The following LINGO1 variants were observed in gnomAD, a reference collection of about 807,000 sequenced individuals.
LINGO1 encodes the protein leucine rich repeat and Ig domain containing 1, also known as leucine-rich repeat and immunoglobulin-like domain-containing nogo receptor-interacting protein 1.
A neutral mutation model predicts 37.3 loss-of-function variants in LINGO1; 11 were observed. That is an observed-to-expected ratio of 0.29 (90% CI 0.19 to 0.49). The LOEUF is 0.49. LINGO1 is among the 20% of genes least tolerant of loss of function. The pLI is 0.99. For missense variants in LINGO1, 585 were observed against 878.2 expected, an observed-to-expected ratio of 0.67 and a Z score of 4.22; for synonymous variants, 387 against 403.0, an observed-to-expected ratio of 0.96 and a Z score of 0.48.
chr15:77,757,928 G>A (rs542454896), intron 1 of LINGO1, among the ~76,000 whole-genome samples: 1 of 152,342 alleles, frequency 6.6e-6, no homozygotes, highest in Non-Finnish European at 1.5e-5. Flanking sequence ...CCCTGCCTCG[G>A]CTGTGTCAGG....
chr15:77,782,378 G>A (rs1261384102), intron 1 of LINGO1, among the ~76,000 whole-genome samples: 4 of 152,174 alleles, frequency 2.6e-5, no homozygotes, highest in Admixed American at 1.3e-4. Flanking sequence ...CTGAAAGAAG[G>A]CCACGTGCAG....
At chr15:77,691,357 G>A (rs1393362263) in intron 1 of LINGO1, among the ~76,000 whole-genome samples, 1 of 152,234 alleles carries the variant, frequency 6.6e-6, no homozygotes, top group Admixed American at 6.5e-5. Context: ...GGCAAACACA[G>A]TTCCTCCAAC....
At chr15:77,617,547 C>T (rs543379389) in intron 1 of LINGO1, among the ~76,000 whole-genome samples, 16 of 152,300 alleles carry the variant, frequency 1.1e-4, no homozygotes, top group Admixed American at 8.5e-4. Flanking sequence ...AAGCCCAGAC[C>T]GGATGTCCCA....
Position 77,614,108 on chromosome 15 carries a change from C to T in LINGO1, c.1799G>A (p.Arg600Gln), listed in dbSNP as rs1239020526. ...KHNIEIEYVPRKSDAGISSAD... is the reference protein window; with the variant it reads ...KHNIEIEYVPQKSDAGISSAD... ...GGAGCTGATGCCTGCGTCCGACTTT[C>T]GGGGCACATACTCGATCTCGATGTT... is the stretch of plus-strand genomic sequence containing the variant. Residue 600 changes from arginine (R) to glutamine (Q), a missense_variant, in exon 2 of 2, where the codon CGA becomes CAA. Physicochemically the swap from Arg to Gln is conservative, Grantham distance 43. This residue lies in a region of LINGO1 where 34 missense variants were observed against 62.0 expected (regional missense o/e 0.55). Coordinates refer to ENST00000355300, the MANE Select transcript of LINGO1 (RefSeq NM_032808.7). The T allele has an allele frequency of 6.8e-6, 11 of 1,613,864 alleles. No homozygotes were observed. The highest frequency in any genetic ancestry group is 1.1e-5 in the South Asian group (1 of 91,072).
rs145211495 is a variant in LINGO1 at position 77,641,253 on chromosome 15, C to T, written c.-12-25353G>A. 7.0e-4 allele frequency among the ~76,000 whole-genome samples: 106 copies of T among 152,342 alleles called. 1 individual carries two copies. The highest frequency in any genetic ancestry group is 1.6e-3 in the Admixed American group (24 of 15,302). On this transcript the variant is annotated intron_variant, in intron 3 of 3. Transcript: ENST00000559893. The stretch of plus-strand genomic sequence containing the variant: ...AGGTAGGGTGGCTGCCTGCCTTCTT[C>T]TCCAGCTGATGGGTCCCCATGCCAT...
intron 1 of LINGO1, among the ~76,000 whole-genome samples, chr15:77,750,625 G>T (rs2076361779): frequency 6.6e-6 from 1 of 152,198 alleles, no homozygotes; most frequent in Admixed American, 6.5e-5. Context: ...CAGAAGAATG[G>T]ATGCCAACAA....
At chr15:77,681,937 C>T (rs768157732) in intron 2 of LINGO1, among the ~76,000 whole-genome samples, 1 of 152,088 alleles carries the variant, frequency 6.6e-6, no homozygotes, top group Non-Finnish European at 1.5e-5. Flanking sequence ...CACACGCCCT[C>T]GAGGAGGGTA....
At chr15:77,808,549 G>C (rs1211219312) in intron 1 of LINGO1, among the ~76,000 whole-genome samples, 1 of 152,094 alleles carries the variant, frequency 6.6e-6, no homozygotes, top group African/African-American at 2.4e-5. Flanking sequence ...TCCAAATACA[G>C]AGCAGACACC....
upstream of LINGO1, among the ~76,000 whole-genome samples, chr15:77,790,032 A>G (rs563244503): frequency 6.6e-6 from 1 of 152,122 alleles, no homozygotes; most frequent in East Asian, 1.9e-4. Context: ...TCAACCTCCT[A>G]AAGTGCTAGG....
intron 1 of LINGO1, among the ~76,000 whole-genome samples, chr15:77,627,792 C>T (rs1206233960): frequency 6.6e-6 from 1 of 152,162 alleles, no homozygotes; most frequent in Non-Finnish European, 1.5e-5. Context: ...TCTTGCTCCT[C>T]CTTCATCCTA....
At chr15:77,728,778 G>C (rs2076127724) in intron 2 of LINGO1, among the ~76,000 whole-genome samples, 1 of 152,204 alleles carries the variant, frequency 6.6e-6, no homozygotes, top group South Asian at 2.1e-4. Flanking sequence ...TGTACTTTTG[G>C]GCAAGTTTCT....
At chr15:77,819,810 G>A (rs1349797756) in intron 1 of LINGO1, among the ~76,000 whole-genome samples, 1 of 151,116 alleles carries the variant, frequency 6.6e-6, no homozygotes, top group African/African-American at 2.4e-5. Flanking sequence ...GCCCGAACCT[G>A]GGCCCAGGTG....
intron 3 of LINGO1, among the ~76,000 whole-genome samples, chr15:77,662,945 T>C (rs1455459813): frequency 6.6e-6 from 1 of 152,148 alleles, no homozygotes; most frequent in Non-Finnish European, 1.5e-5. Context: ...GCAAGGCCCC[T>C]GCAGGAAGGA....
At chr15:77,814,574 C>T (rs367789055) in intron 1 of LINGO1, among the ~76,000 whole-genome samples, 1 of 152,212 alleles carries the variant, frequency 6.6e-6, no homozygotes, top group African/African-American at 2.4e-5. Flanking sequence ...CCTACAATGC[C>T]TCTGGCTAGT....
intron 2 of LINGO1, among the ~76,000 whole-genome samples, chr15:77,730,642 G>C (rs1360942643): frequency 6.6e-6 from 1 of 152,228 alleles, no homozygotes. Flanking sequence ...GCATCAACCT[G>C]GGGGAGACAC....
intron 3 of LINGO1, among the ~76,000 whole-genome samples, chr15:77,668,776 G>A (rs2075189747): frequency 6.9e-6 from 1 of 145,850 alleles, no homozygotes; most frequent in African/African-American, 2.6e-5. Context: ...GCTGCCCTGG[G>A]GAGCTCACAG....
At chr15:77,778,418 T>G (rs2076682715) in intron 1 of LINGO1, among the ~76,000 whole-genome samples, 1 of 152,228 alleles carries the variant, frequency 6.6e-6, no homozygotes, top group Non-Finnish European at 1.5e-5. Context: ...GCCACTGTTT[T>G]GCCTGCCACA....
chr15:77,780,600 T>C (rs1321916324), intron 1 of LINGO1, among the ~76,000 whole-genome samples: 1 of 152,016 alleles, frequency 6.6e-6, no homozygotes, highest in East Asian at 1.9e-4. Flanking sequence ...AGGGGTGGCA[T>C]TATGGACTAA....
intron 1 of LINGO1, among the ~76,000 whole-genome samples, chr15:77,808,002 T>G (rs2076974004): frequency 1.3e-5 from 2 of 152,076 alleles, no homozygotes; most frequent in Admixed American, 1.3e-4. Context: ...AGGCAGGGAA[T>G]GGGGTGGAAA....
Sources: gnomAD v4.1 joint callset for allele counts (sites outside exome capture counted in the v4.1 genomes callset) on GRCh38, gnomAD v4.1.1 for gene constraint, gnomAD v4.1.1 regional missense constraint, MANE v1.5 for transcripts, NCBI Gene and HGNC (gene_info 2026-07-23, HGNC 2026-07-21) for gene names.